Variants in CFAP46 observed in about 807,000 individuals in gnomAD.
CFAP46 encodes the protein cilia- and flagella-associated protein 46.
Under a neutral mutation model 325.7 loss-of-function variants are expected in CFAP46, and 245 were observed. The observed-to-expected ratio is 0.75, with a 90% CI of 0.68 to 0.84. The LOEUF (loss-of-function observed/expected upper bound fraction) is 0.84, where lower values mean the gene tolerates loss of function less well. Ranked by LOEUF, CFAP46 falls within the 40% of genes least tolerant of loss-of-function variation. CFAP46 has a pLI of 0.00. For missense variants in CFAP46, 3,346 were observed against 3,543.0 expected, an observed-to-expected ratio of 0.94 and a Z score of 1.41; for synonymous variants, 1,523 against 1,495.9, an observed-to-expected ratio of 1.02 and a Z score of -0.42.
At chr10:132,931,346 C>T (rs1849897914) in intron 8 of CFAP46, among the ~76,000 whole-genome samples, 2 of 137,540 alleles carry the variant, frequency 1.5e-5, no homozygotes, top group African/African-American at 5.6e-5. Flanking sequence ...CCCACACTCC[C>T]CACGCAGAGC....
chr10:132,897,421 C>T (rs1039300370), intron 24 of CFAP46, among the ~76,000 whole-genome samples: 2 of 152,240 alleles, frequency 1.3e-5, no homozygotes, highest in African/African-American at 4.8e-5. Flanking sequence ...CCGTCTGCTA[C>T]GGCCCTCACT....
intron 22 of CFAP46, among the ~76,000 whole-genome samples, chr10:132,907,762 G>A (rs569216207): frequency 2.6e-5 from 4 of 152,284 alleles, no homozygotes; most frequent in Admixed American, 6.5e-5. Context: ...TTTGAGGGGG[G>A]TTGGATCATG....
Position 132,860,845 on chromosome 10 carries a change from G to A in CFAP46, c.5028C>T (p.Tyr1676=). The change falls in exon 36 of 58, where the codon TAC becomes TAT. Residue 1676 remains tyrosine, a synonymous_variant. Coordinates refer to ENST00000368586, the MANE Select transcript of CFAP46 (RefSeq NM_001200049.3). ...QHLGGSEEFW[Y]NSTLTLAEAL... Reference sequence around the variant, plus strand: ...CCTCTGCCAGGGTCAGAGTGGAATTGTACCAGAACTCCTCACTTCCGCCCA... The same window carrying A: ...CCTCTGCCAGGGTCAGAGTGGAATTATACCAGAACTCCTCACTTCCGCCCA... The A allele has an allele frequency of 6.4e-7, 1 of 1,551,098 alleles. No individual in the cohort carries two copies. The highest frequency in any genetic ancestry group is 1.4e-5 in the African/African-American group (1 of 73,188).
intron 50 of CFAP46, among the ~76,000 whole-genome samples, chr10:132,822,739 G>C (rs1384955630): frequency 2.7e-5 from 3 of 110,860 alleles, no homozygotes; most frequent in East Asian, 2.8e-4. Flanking sequence ...TGTGTGTGCA[G>C]TGATGTGTGC....
At position 132,884,998 on chromosome 10, in the gene CFAP46, G is replaced by C; in HGVS notation, c.3627+105C>G. The stretch of plus-strand genomic sequence containing the variant: ...TGTGCCCGTCAGCTGTGGCTGCTCT[G>C]CGTGCTGCCCCACACCAGGTCCCTG... On this transcript the variant is annotated intron_variant, in intron 27 of 57. Coordinates refer to ENST00000368586, the MANE Select transcript of CFAP46 (RefSeq NM_001200049.3). The surrounding 1 kb of genome is among the most constrained non-coding windows in gnomAD (Gnocchi z 5.4). The C allele has an allele frequency of 3.2e-6, 4 of 1,240,840 alleles. No homozygotes were observed. The highest frequency in any genetic ancestry group is 3.3e-6 in the Non-Finnish European group (3 of 910,644). 76.9% of individuals were successfully genotyped at this position (1,240,840 alleles called of 1,614,324 possible).
chr10:132,899,421 G>A (rs1013448445), intron 23 of CFAP46, 114 bp downstream of exon 23: 33 of 1,391,574 alleles, frequency 2.4e-5, no homozygotes, highest in South Asian at 9.0e-5. Context: ...ACCTCCCCTC[G>A]CCGGCAGGAG....
intron 22 of CFAP46, among the ~76,000 whole-genome samples, chr10:132,901,719 T>C (rs1849394134): frequency 6.6e-6 from 1 of 152,242 alleles, no homozygotes; most frequent in Non-Finnish European, 1.5e-5. Context: ...CCCCCAAATT[T>C]ACCATTTTTG....
At chr10:132,858,475 C>T (rs577029720) in intron 38 of CFAP46, among the ~76,000 whole-genome samples, 75 of 143,538 alleles carry the variant, frequency 5.2e-4, no homozygotes, top group African/African-American at 1.9e-3. Context: ...GGGCTGTGGG[C>T]GGGGCCAGGG....
At chr10:132,845,200 G>C (rs989253641) in intron 44 of CFAP46, among the ~76,000 whole-genome samples, 1 of 152,208 alleles carries the variant, frequency 6.6e-6, no homozygotes, top group African/African-American at 2.4e-5. Context: ...TCCTGTCCTC[G>C]GGCCTGGGCT....
At chr10:132,845,997 G>A in intron 44 of CFAP46, 60 bp downstream of exon 44, 1 of 1,537,172 alleles carries the variant, frequency 6.5e-7, no homozygotes, top group South Asian at 1.2e-5. Context: ...TGCGGCTGCA[G>A]TGTCTGTCCA....
At chr10:132,914,067 G>A (rs971430612) in intron 17 of CFAP46, among the ~76,000 whole-genome samples, 2 of 145,682 alleles carry the variant, frequency 1.4e-5, no homozygotes, top group Non-Finnish European at 3.0e-5. Flanking sequence ...CCCGGCCCGA[G>A]GCTGTGTCCA....
chr10:132,859,850 G>A (rs773678838), intron 37 of CFAP46, among the ~76,000 whole-genome samples: 5 of 152,162 alleles, frequency 3.3e-5, no homozygotes, highest in Non-Finnish European at 5.9e-5. Context: ...TAGAAGAGAC[G>A]GCGTTGCCAT....
intron 50 of CFAP46, among the ~76,000 whole-genome samples, chr10:132,823,179 G>A (rs1847924905): frequency 1.3e-5 from 1 of 79,006 alleles, no homozygotes; most frequent in Non-Finnish European, 2.7e-5. Flanking sequence ...TGCTGTCTGT[G>A]CGCTGTGTGC....
intron 11 of CFAP46, 76 bp downstream of exon 11, chr10:132,924,620 G>C: frequency 7.5e-7 from 1 of 1,333,776 alleles, no homozygotes; most frequent in South Asian, 1.7e-5. Flanking sequence ...AGGGGGCTTG[G>C]GCCACCTTCT....
chr10:132,917,375 C>T lies in CFAP46; in HGVS notation c.1987-693G>A, dbSNP rs79248952. On this transcript the variant is annotated intron_variant, in intron 16 of 57. Transcript: ENST00000368586. Reference sequence around the variant, plus strand: ...TTGTGTTGGTGCAGCGCGGTGGCTGCGAGCTCGGACCCGAGGTCCCAGGGC... The same window carrying T: ...TTGTGTTGGTGCAGCGCGGTGGCTGTGAGCTCGGACCCGAGGTCCCAGGGC... Among the ~76,000 whole-genome samples, 61 of 152,358 alleles carry T rather than the reference C, an allele frequency of 4.0e-4. No homozygotes were observed. In the East Asian group the frequency reaches 9.8e-3, roughly 25 times the overall value.
At chr10:132,854,239 T>C (rs1564779332) in intron 39 of CFAP46, among the ~76,000 whole-genome samples, 1 of 152,236 alleles carries the variant, frequency 6.6e-6, no homozygotes, top group African/African-American at 2.4e-5. Context: ...CTTTCCCCCT[T>C]GATTTCTTCT....
chr10:132,851,151 A>T lies in CFAP46; in HGVS notation c.5729T>A (p.Leu1910Gln). The change falls in exon 40 of 58, where the codon CTG (leucine) becomes CAG (glutamine). Residue 1910 changes from leucine (L) to glutamine (Q), a missense_variant. Leu to Gln is a moderately radical substitution (Grantham distance 113). Coordinates refer to ENST00000368586, the MANE Select transcript of CFAP46 (RefSeq NM_001200049.3). ...GSLEKLLADYLQNTSDYTSVG... is the reference protein window; with the variant it reads ...GSLEKLLADYQQNTSDYTSVG... Reference sequence around the variant, plus strand: ...GGAAGTGTAGTCACTGGTGTTCTGCAGATAGTCCGCCAGCAGCTTCTCCAG... The same window carrying T: ...GGAAGTGTAGTCACTGGTGTTCTGCTGATAGTCCGCCAGCAGCTTCTCCAG... The T allele has an allele frequency of 6.2e-7, 1 of 1,614,056 alleles. No individual in the cohort carries two copies. The highest frequency in any genetic ancestry group is 8.5e-7 in the Non-Finnish European group (1 of 1,180,036).
intron 35 of CFAP46, among the ~76,000 whole-genome samples, chr10:132,863,191 G>A (rs1022145293): frequency 3.9e-5 from 6 of 152,012 alleles, no homozygotes; most frequent in African/African-American, 1.5e-4. Context: ...CGGAGGCCCC[G>A]GCATGCAGCA....
chr10:132,839,466 C>A (rs1202758386), intron 44 of CFAP46, among the ~76,000 whole-genome samples: 2 of 152,240 alleles, frequency 1.3e-5, no homozygotes, highest in Admixed American at 6.5e-5. Flanking sequence ...CCCACACACA[C>A]GGAACAGCAC....
Sources: gnomAD v4.1 joint callset for allele counts (sites outside exome capture counted in the v4.1 genomes callset) on GRCh38, gnomAD v4.1.1 for gene constraint, Gnocchi (gnomAD v3.1) non-coding constraint, MANE v1.5 for transcripts, NCBI Gene and HGNC (gene_info 2026-07-23, HGNC 2026-07-21) for gene names.